TSPAN8: variants seen among roughly 807,000 people sequenced by gnomAD.
The protein encoded by TSPAN8 is tetraspanin 8.
Under a neutral mutation model 32.8 loss-of-function variants are expected in TSPAN8, and 21 were observed. The ratio of observed to expected loss-of-function variants is 0.64; its 90% confidence interval spans 0.45 to 0.92. TSPAN8 has a LOEUF of 0.92. TSPAN8 is among the 40% of genes least tolerant of loss of function. The pLI is 0.00. For synonymous variants in TSPAN8, 95 were observed against 94.6 expected (o/e 1.00, Z -0.03); for missense variants, 269 against 281.9 (o/e 0.95, Z 0.33).
chr12:71,130,789 T>G (rs1871496843), intron 7 of TSPAN8, among the ~76,000 whole-genome samples: 1 of 152,186 alleles, frequency 6.6e-6, no homozygotes, highest in Admixed American at 6.5e-5. Flanking sequence ...TCAGGGGTTT[T>G]TCTCTTCCTC....
At chr12:71,157,846 G>A (rs1872496763) in intron 1 of TSPAN8, 59 bp from the exon 2 acceptor site, 4 of 571,532 alleles carry the variant, frequency 7.0e-6, no homozygotes, top group Admixed American at 3.0e-5. Flanking sequence ...TTATTAAACT[G>A]GATAAAAAAA....
Position 71,134,148 on chromosome 12 carries a change from C to A in TSPAN8, c.445-1324G>T, listed in dbSNP as rs183607391. On this transcript the variant is annotated intron_variant, in intron 6 of 8. Transcript: ENST00000247829. ...GTTGCTAATAATAGCATTTAATTTG[C>A]AGATTTATCATAAAGATAAACATAA... Among the ~76,000 whole-genome samples, 10 of 152,256 alleles carry A rather than the reference C, an allele frequency of 6.6e-5. No homozygotes were observed. The East Asian group carries it at 1.7e-3, about 26-fold the overall frequency.
rs1012816962 is a variant in TSPAN8 at position 71,125,274 on chromosome 12, C to A, written c.*60G>T. The A allele has an allele frequency of 6.7e-6, 10 of 1,495,912 alleles. No individual in the cohort carries two copies. The highest frequency in any genetic ancestry group is 4.2e-5 in the African/African-American group (3 of 71,408). The allele number at this position is 1,495,912 out of a possible 1,614,324, so 92.7% of individuals were successfully genotyped here. On this transcript the variant is annotated 3_prime_UTR_variant, in exon 9 of 9. Coordinates refer to ENST00000247829, the MANE Select transcript of TSPAN8 (RefSeq NM_004616.3). ...TATAGCACTTACATATTTAAATTTACAAAGCCAAAGCAACATTTTAAAGGG... is the reference window on the plus strand; with the variant it reads ...TATAGCACTTACATATTTAAATTTAAAAAGCCAAAGCAACATTTTAAAGGG...
chr12:71,126,410 G>C (rs184186176), intron 8 of TSPAN8, among the ~76,000 whole-genome samples: 1 of 152,054 alleles, frequency 6.6e-6, no homozygotes, highest in Non-Finnish European at 1.5e-5. Flanking sequence ...TATCAAGAAA[G>C]AATTTTTTTA....
intron 2 of TSPAN8, among the ~76,000 whole-genome samples, chr12:71,144,851 TC>T (rs1872022339): frequency 6.6e-6 from 1 of 152,122 alleles, no homozygotes; most frequent in South Asian, 2.1e-4. Context: ...AGTCTTAAAT[TC>T]CTTTAATGAT....
intron 6 of TSPAN8, among the ~76,000 whole-genome samples, chr12:71,135,221 GGAA>G (rs1194202223): frequency 9.0e-5 from 5 of 55,806 alleles, no homozygotes; most frequent in Non-Finnish European, 1.9e-4. Context: ...AGGAGGAGGA[GGAA>G]GAAGAAGGAG....
intron 2 of TSPAN8, chr12:71,156,762 C>T (rs1872456989): frequency 6.6e-6 from 1 of 152,158 alleles, no homozygotes; most frequent in Non-Finnish European, 1.5e-5. Context: ...GCTTTTAATC[C>T]AGTATACAAA....
Position 71,155,890 on chromosome 12 carries a change from C to T in TSPAN8, c.60+1729G>A, listed in dbSNP as rs1355153677. The stretch of plus-strand genomic sequence containing the variant: ...GGGACTACAGGGGCGTGCCACCATG[C>T]CCGGCTAATTTTTCATATTTTTAGT... On this transcript the variant is annotated intron_variant, in intron 2 of 8. Coordinates refer to ENST00000247829, the MANE Select transcript of TSPAN8 (RefSeq NM_004616.3). Among the ~76,000 whole-genome samples, 3 of 151,922 alleles carry T rather than the reference C, an allele frequency of 2.0e-5. No individual in the cohort carries two copies. The East Asian group carries it at 5.8e-4, about 29-fold the overall frequency.
intron 8 of TSPAN8, among the ~76,000 whole-genome samples, chr12:71,126,072 C>T (rs1484304752): frequency 3.9e-5 from 6 of 152,034 alleles, no homozygotes; most frequent in African/African-American, 1.2e-4. Flanking sequence ...GTATCTTTGA[C>T]GTAGAAATGA....
At chr12:71,128,624 T>C (rs1810455662) in intron 8 of TSPAN8, among the ~76,000 whole-genome samples, 1 of 150,780 alleles carries the variant, frequency 6.6e-6, no homozygotes, top group Non-Finnish European at 1.5e-5. Flanking sequence ...TTAGGCCATG[T>C]GAAAAGTATC....
chr12:71,139,498 A>AAGGATGTATTTCAGGG (rs1555195470), intron 4 of TSPAN8, among the ~76,000 whole-genome samples: 64 of 152,102 alleles, frequency 4.2e-4, no homozygotes, highest in Admixed American at 6.6e-4. Flanking sequence ...TGGATGAATG[A>AAGGATGTATTTCAGGG]TTAAAATTTG....
At chr12:71,134,786 G>T (rs531694795) in intron 6 of TSPAN8, among the ~76,000 whole-genome samples, 9 of 152,136 alleles carry the variant, frequency 5.9e-5, no homozygotes, top group Non-Finnish European at 1.3e-4. Flanking sequence ...GGACTCCTTA[G>T]GGAGGCATAA....
chr12:71,156,450 ATTTTTTTAACCTAAAAACAGCAGCCCAT>A (rs1376436914), intron 2 of TSPAN8, among the ~76,000 whole-genome samples: 3 of 111,386 alleles, frequency 2.7e-5, no homozygotes, highest in Admixed American at 1.2e-4. Flanking sequence ...AAAGCAGCCC[ATTTTTTTAACCTAAAAACAGCAGCCCAT>A]TTTTTTTGCC....
At chr12:71,157,294 G>T in intron 2 of TSPAN8, 1 of 242,082 alleles carries the variant, frequency 4.1e-6, no homozygotes, top group South Asian at 6.9e-5. Context: ...CCTTAAATTA[G>T]GGAGGCCTGC....
intron 2 of TSPAN8, among the ~76,000 whole-genome samples, chr12:71,152,311 C>G (rs1422511706): frequency 6.6e-6 from 1 of 152,096 alleles, no homozygotes; most frequent in Non-Finnish European, 1.5e-5. Flanking sequence ...GAATTTCTGC[C>G]TTATCATATT....
Position 71,139,841 on chromosome 12 carries a change from C to T in TSPAN8, c.131G>A (p.Gly44Asp), listed in dbSNP as rs778606913. 1 of 1,602,500 alleles carries T rather than the reference C, an allele frequency of 6.2e-7. No homozygotes were observed. The change falls in exon 4 of 9, where the codon GGT (glycine) becomes GAT (aspartate). Residue 44 changes from glycine to aspartate, a missense_variant. Transcript: ENST00000247829. The part of the protein sequence containing the change: ...RVSNDSQAIF[G>D]SEDVGSSSYV... ...GGAGCTAGAGCCTACATCTTCAGAA[C>T]CAAAAATCTGAAGTAAAAAAGAGAT...
At chr12:71,157,115 A>G (rs1405343010) in intron 2 of TSPAN8, 1 of 152,808 alleles carries the variant, frequency 6.5e-6, no homozygotes, top group Non-Finnish European at 1.5e-5. Context: ...TAGGAATTTT[A>G]TCATTTCCCC....
intron 8 of TSPAN8, among the ~76,000 whole-genome samples, chr12:71,128,031 C>T (rs1403273274): frequency 6.6e-6 from 1 of 152,078 alleles, no homozygotes; most frequent in East Asian, 1.9e-4. Flanking sequence ...AGCATAAACC[C>T]AGAATACAAA....
At chr12:71,142,383 A>C (rs1337875018) in intron 3 of TSPAN8, among the ~76,000 whole-genome samples, 1 of 152,166 alleles carries the variant, frequency 6.6e-6, no homozygotes, top group Non-Finnish European at 1.5e-5. Flanking sequence ...TAAACACCAA[A>C]TTTGTTTACC....
Sources: gnomAD v4.1 joint callset for allele counts (sites outside exome capture counted in the v4.1 genomes callset) on GRCh38, gnomAD v4.1.1 for gene constraint, MANE v1.5 for transcripts, NCBI Gene and HGNC (gene_info 2026-07-23, HGNC 2026-07-21) for gene names.